The following DLG2 variants were observed in gnomAD, a reference collection of about 807,000 sequenced individuals.
DLG2 encodes discs large MAGUK scaffold protein 2, also known as disks large homolog 2.
Under a neutral mutation model 132.5 loss-of-function variants are expected in DLG2, and 45 were observed. The ratio of observed to expected loss-of-function variants is 0.34; its 90% CI spans 0.27 to 0.44. The LOEUF (loss-of-function observed/expected upper bound fraction) is 0.44. Ranked by LOEUF, DLG2 falls within the 20% of genes least tolerant of loss-of-function variation. The probability of loss-of-function intolerance (pLI) is 1.00; values close to 1 mark genes in which losing one functional copy is unlikely to be tolerated. For missense variants in DLG2, 1,045 were observed against 1,196.9 expected (o/e 0.87, Z 1.87); for synonymous variants, 424 against 419.6 (o/e 1.01, Z -0.13).
In DLG2 at chr11:83,786,715, C is replaced by A. The variant is rs776354298; in HGVS notation, c.1800G>T (p.Thr600=). 1.2e-6 allele frequency: 2 copies of A among 1,614,124 alleles called. No individual in the cohort carries two copies. The highest frequency in any genetic ancestry group is 1.7e-6 in the Non-Finnish European group (2 of 1,179,996). ...CTTCAGGTTGATATTGTGCTATAAT[C>A]GTCACTGTCTGTCCAGCCCCCTTTA... The part of the protein sequence containing the change: ...AALKGAGQTV[T]IIAQYQPEDY... Residue 600 remains threonine (T), a synonymous_variant, in exon 18 of 28, where the codon ACG becomes ACT. Transcript: ENST00000376104.
chr11:83,536,332 C>T (rs547870482), intron 20 of DLG2, among the ~76,000 whole-genome samples: 14 of 152,268 alleles, frequency 9.2e-5, no homozygotes, highest in African/African-American at 3.4e-4. Flanking sequence ...GTTGATCCAT[C>T]TCCTCAGCAC....
chr11:84,824,705 T>A (rs2078115449), intron 6 of DLG2, among the ~76,000 whole-genome samples: 1 of 151,896 alleles, frequency 6.6e-6, no homozygotes, highest in South Asian at 2.1e-4. Flanking sequence ...TCTTCAGAGT[T>A]GCTTGATGCC....
chr11:84,224,923 C>T (rs1034106475), intron 8 of DLG2, among the ~76,000 whole-genome samples: 11 of 152,162 alleles, frequency 7.2e-5, no homozygotes, highest in African/African-American at 2.7e-4. Flanking sequence ...AGTCCCCTCT[C>T]CTTTGAAGAC....
At chr11:84,421,796 CT>C (rs2098951783) in intron 7 of DLG2, among the ~76,000 whole-genome samples, 1 of 152,214 alleles carries the variant, frequency 6.6e-6, no homozygotes. Flanking sequence ...TTTCCTGCAG[CT>C]TCATGAAAAA....
chr11:84,762,809 G>A (rs557984045), intron 6 of DLG2, among the ~76,000 whole-genome samples: 11 of 152,260 alleles, frequency 7.2e-5, no homozygotes, highest in Non-Finnish European at 1.6e-4. Flanking sequence ...TTCACAGTGA[G>A]GATCTAAGAG....
At chr11:84,324,142 T>C (rs997524990) in intron 7 of DLG2, among the ~76,000 whole-genome samples, 3 of 152,204 alleles carry the variant, frequency 2.0e-5, no homozygotes, top group East Asian at 3.9e-4. Context: ...TAAAGACCAG[T>C]GTTGTATAGG....
At chr11:84,931,709 C>T (rs2048110663) in intron 6 of DLG2, among the ~76,000 whole-genome samples, 1 of 152,176 alleles carries the variant, frequency 6.6e-6, no homozygotes, top group African/African-American at 2.4e-5. Flanking sequence ...TATGGTTGAA[C>T]TAATTTACTA....
chr11:84,151,284 T>C (rs1400030872), intron 9 of DLG2, among the ~76,000 whole-genome samples: 1 of 151,748 alleles, frequency 6.6e-6, no homozygotes, highest in Non-Finnish European at 1.5e-5. Context: ...TCTTAGGAGG[T>C]TGTATGTTTC....
At chr11:84,040,291 T>C (rs2096028194) in intron 11 of DLG2, among the ~76,000 whole-genome samples, 1 of 152,252 alleles carries the variant, frequency 6.6e-6, no homozygotes, top group South Asian at 2.1e-4. Context: ...ATGAAGTCCT[T>C]GCCCATGCCT....
At chr11:84,537,444 T>C (rs78446281) in intron 6 of DLG2, among the ~76,000 whole-genome samples, 1 of 152,158 alleles carries the variant, frequency 6.6e-6, no homozygotes, top group Non-Finnish European at 1.5e-5. Context: ...ACTCCAATAA[T>C]TATAAAATAA....
chr11:85,561,963 T>G (rs1272499138), intron 3 of DLG2, among the ~76,000 whole-genome samples: 1 of 151,806 alleles, frequency 6.6e-6, no homozygotes, highest in Non-Finnish European at 1.5e-5. Context: ...CTCAGAGAGA[T>G]AGAGTAAAGG....
chr11:83,820,895 C>G (rs2050595003), intron 17 of DLG2, among the ~76,000 whole-genome samples: 1 of 152,114 alleles, frequency 6.6e-6, no homozygotes, highest in Non-Finnish European at 1.5e-5. Context: ...ACTGGAAAAC[C>G]AGGCAATAGG....
intron 18 of DLG2, among the ~76,000 whole-genome samples, chr11:83,640,372 A>T (rs2066149271): frequency 6.6e-6 from 1 of 152,160 alleles, no homozygotes; most frequent in East Asian, 1.9e-4. Flanking sequence ...AATATTGTTT[A>T]CCTGGATGTG....
At chr11:83,927,999 C>T (rs1486571155) in intron 15 of DLG2, among the ~76,000 whole-genome samples, 1 of 151,912 alleles carries the variant, frequency 6.6e-6, no homozygotes, top group Non-Finnish European at 1.5e-5. Context: ...GGAGGAGGAG[C>T]AAAGTGGGGT....
intron 19 of DLG2, among the ~76,000 whole-genome samples, chr11:83,589,041 A>T (rs1368280856): frequency 1.4e-5 from 2 of 147,380 alleles, no homozygotes; most frequent in Admixed American, 6.7e-5. Flanking sequence ...GATGGGGAGA[A>T]TGGAACCAAG....
At chr11:85,562,570 A>T (rs2077313845) in intron 3 of DLG2, among the ~76,000 whole-genome samples, 1 of 151,886 alleles carries the variant, frequency 6.6e-6, no homozygotes, top group African/African-American at 2.4e-5. Flanking sequence ...TGGCAAAGCC[A>T]GGATCTAATC....
At chr11:83,909,899 C>T (rs2075748918) in intron 15 of DLG2, among the ~76,000 whole-genome samples, 1 of 152,142 alleles carries the variant, frequency 6.6e-6, no homozygotes, top group Non-Finnish European at 1.5e-5. Context: ...TTCCTCTACT[C>T]CAGGGAAGCA....
intron 7 of DLG2, among the ~76,000 whole-genome samples, chr11:84,413,219 A>C (rs7127433): frequency 0.02 from 2,975 of 152,240 alleles, 29 homozygotes; most frequent in Non-Finnish European, 0.023. Flanking sequence ...CCAGTCCTCT[A>C]TCTCTCCTTA....
intron 6 of DLG2, among the ~76,000 whole-genome samples, chr11:84,577,566 G>A (rs906726143): frequency 6.6e-6 from 1 of 152,088 alleles, no homozygotes; most frequent in African/African-American, 2.4e-5. Context: ...GAGATTTGTG[G>A]AACTTTGAAC....
Sources: gnomAD v4.1 joint callset for allele counts (sites outside exome capture counted in the v4.1 genomes callset) on GRCh38, gnomAD v4.1.1 for gene constraint, MANE v1.5 for transcripts, NCBI Gene and HGNC (gene_info 2026-07-23, HGNC 2026-07-21) for gene names.